Variants in DNAJC6 observed in about 807,000 individuals in gnomAD.
The protein encoded by DNAJC6 is auxilin.
Under a neutral mutation model 110.0 loss-of-function variants are expected in DNAJC6, and 34 were observed. The ratio of observed to expected loss-of-function variants is 0.31; its 90% confidence interval spans 0.24 to 0.41. The LOEUF is 0.41. DNAJC6 is among the 10% of genes least tolerant of loss of function. The probability of loss-of-function intolerance (pLI) is 1.00; values close to 1 mark genes in which losing one functional copy is unlikely to be tolerated. For synonymous variants in DNAJC6, 406 were observed against 437.2 expected (o/e 0.93, Z 0.89); for missense variants, 1,031 against 1,207.8 (o/e 0.85, Z 2.17).
intron 18 of DNAJC6, among the ~76,000 whole-genome samples, chr1:65,411,863 C>T (rs1017999308): frequency 6.6e-6 from 1 of 151,910 alleles, no homozygotes; most frequent in African/African-American, 2.4e-5. Flanking sequence ...CTTAGCCACT[C>T]GGGAGGTTGA....
At chr1:65,321,499 A>C (rs920756722) in intron 1 of DNAJC6, among the ~76,000 whole-genome samples, 2 of 152,128 alleles carry the variant, frequency 1.3e-5, no homozygotes, top group Non-Finnish European at 2.9e-5. Context: ...ACCCAGCCTA[A>C]ATTTAATTTT....
chr1:65,308,104 G>C (rs1449258902), upstream of DNAJC6, among the ~76,000 whole-genome samples: 1 of 152,178 alleles, frequency 6.6e-6, no homozygotes, highest in Non-Finnish European at 1.5e-5. Context: ...GAACTGTGTA[G>C]AGCTAGAGCT....
At chr1:65,320,273 C>T (rs1645185935) in intron 1 of DNAJC6, among the ~76,000 whole-genome samples, 1 of 152,176 alleles carries the variant, frequency 6.6e-6, no homozygotes, top group Non-Finnish European at 1.5e-5. Context: ...GATAATAGCT[C>T]ACCATTTCTT....
chr1:65,380,826 G>A (rs1261723837), intron 5 of DNAJC6, among the ~76,000 whole-genome samples: 1 of 151,662 alleles, frequency 6.6e-6, no homozygotes, highest in Non-Finnish European at 1.5e-5. Flanking sequence ...ACTCAAAAAG[G>A]ACATGCATAT....
At chr1:65,309,411 C>T, upstream of DNAJC6, 2 of 371,772 alleles carry the variant, frequency 5.4e-6, no homozygotes, top group Non-Finnish European at 7.7e-6. Flanking sequence ...CTTCCGGGCA[C>T]TCCTCAGCCA....
At position 65,395,030 on chromosome 1, in the gene DNAJC6, A is replaced by C; in HGVS notation, c.2036A>C (p.His679Pro). 1.9e-6 allele frequency: 3 copies of C among 1,604,572 alleles called. No individual in the cohort carries two copies. Among genetic ancestry groups the C allele is most frequent in the South Asian group, 2.3e-5 (2 of 88,860 alleles). ...ACAAGAAGTCCTTCGCCCACAGTAC[A>C]TGGTAAGGAAATATTTTATATTGTG... The part of the protein sequence containing the change: ...QPTRSPSPTV[H>P]ASSTPAVNIQ... The change falls in exon 13 of 19, where the codon CAT (histidine) becomes CCT (proline). Residue 679 changes from histidine (H) to proline (P), a missense_variant and splice_region_variant. Transcript: ENST00000371069.
chr1:65,310,028 C>T, intron 1 of DNAJC6, 90 bp downstream of exon 1: 1 of 1,357,838 alleles, frequency 7.4e-7, no homozygotes. Flanking sequence ...CCGTGGTCCC[C>T]CAGCCCCGGT....
intron 5 of DNAJC6, chr1:65,379,913 A>G (rs1216565048): frequency 6.5e-6 from 1 of 154,488 alleles, no homozygotes; most frequent in African/African-American, 2.4e-5. Context: ...ATAAAAGAAA[A>G]AAGATACCTA....
chr1:65,272,429 A>C (rs1653534515), intron 1 of DNAJC6, among the ~76,000 whole-genome samples: 1 of 152,182 alleles, frequency 6.6e-6, no homozygotes, highest in Admixed American at 6.5e-5. Flanking sequence ...GCTGTATTTG[A>C]CTTGCTAATA....
At chr1:65,411,457 G>T in intron 18 of DNAJC6, 31 bp downstream of exon 18, 13 of 1,591,562 alleles carry the variant, frequency 8.2e-6, no homozygotes, top group South Asian at 1.1e-5. Context: ...TGTGTAACTT[G>T]TCAGGTCCTT....
At chr1:65,283,361 G>A (rs1389160838) in intron 1 of DNAJC6, among the ~76,000 whole-genome samples, 2 of 151,998 alleles carry the variant, frequency 1.3e-5, no homozygotes, top group African/African-American at 4.8e-5. Context: ...TTATAATTAT[G>A]TTATTTCATG....
At chr1:65,277,231 A>T (rs1023449762) in intron 1 of DNAJC6, among the ~76,000 whole-genome samples, 1 of 152,200 alleles carries the variant, frequency 6.6e-6, no homozygotes, top group Non-Finnish European at 1.5e-5. Flanking sequence ...TGTAAATTTA[A>T]TAAAGGATAT....
In DNAJC6 at chr1:65,408,769, C is replaced by G; in HGVS notation, c.2620C>G (p.Pro874Ala). The change falls in exon 17 of 19, where the codon CCT (proline) becomes GCT (alanine). Residue 874 changes from proline (P) to alanine (A), a missense_variant. By Grantham distance (27) the Pro-to-Ala change is conservative. Coordinates refer to ENST00000371069, the MANE Select transcript of DNAJC6 (RefSeq NM_001256864.2). ...RKEEMAKEMD[P>A]EKLKILEWIE... ...GGAGGAAATGGCCAAGGAAATGGATCCTGAGAAATTAAAGGTGAGTGAGGC... is the reference window on the plus strand; with the variant it reads ...GGAGGAAATGGCCAAGGAAATGGATGCTGAGAAATTAAAGGTGAGTGAGGC... 1 of 1,612,584 alleles carries G rather than the reference C, an allele frequency of 6.2e-7. No homozygotes were observed. Among genetic ancestry groups the G allele is most frequent in the African/African-American group, 1.3e-5 (1 of 74,784 alleles).
At chr1:65,399,677 C>T (rs1404476528) in intron 14 of DNAJC6, among the ~76,000 whole-genome samples, 1 of 152,160 alleles carries the variant, frequency 6.6e-6, no homozygotes, top group Non-Finnish European at 1.5e-5. Flanking sequence ...ATAACTGAAA[C>T]TCTACACTCA....
intron 16 of DNAJC6, among the ~76,000 whole-genome samples, chr1:65,407,062 A>C (rs1646084020): frequency 6.6e-6 from 1 of 152,196 alleles, no homozygotes. Flanking sequence ...CAGTCTGAAA[A>C]TATTAAATGG....
upstream of DNAJC6, among the ~76,000 whole-genome samples, chr1:65,308,475 A>T (rs572785228): frequency 6.6e-6 from 1 of 152,336 alleles, no homozygotes; most frequent in Admixed American, 6.5e-5. Flanking sequence ...AACATTCGAT[A>T]ATTACATTTT....
chr1:65,316,831 A>G (rs1041263248), intron 1 of DNAJC6, among the ~76,000 whole-genome samples: 17 of 152,318 alleles, frequency 1.1e-4, no homozygotes, highest in Admixed American at 9.1e-4. Context: ...ACAGTTTTCT[A>G]ATATAGACAT....
chr1:65,335,361 G>T (rs1645326450), intron 1 of DNAJC6, among the ~76,000 whole-genome samples: 1 of 151,426 alleles, frequency 6.6e-6, no homozygotes, highest in Non-Finnish European at 1.5e-5. Context: ...TGATCCGCCT[G>T]CCTTGACCTC....
chr1:65,285,969 C>T (rs2101206416), intron 1 of DNAJC6, among the ~76,000 whole-genome samples: 1 of 152,320 alleles, frequency 6.6e-6, no homozygotes, highest in South Asian at 2.1e-4. Context: ...CCATGCCCCA[C>T]TTTATTTTAG....
Sources: gnomAD v4.1 joint callset for allele counts (sites outside exome capture counted in the v4.1 genomes callset) on GRCh38, gnomAD v4.1.1 for gene constraint, MANE v1.5 for transcripts, NCBI Gene and HGNC (gene_info 2026-07-23, HGNC 2026-07-21) for gene names.